Variants in B3GAT2 observed in about 807,000 individuals in gnomAD.
B3GAT2 encodes beta-1,3-glucuronyltransferase 2, also known as galactosylgalactosylxylosylprotein 3-beta-glucuronosyltransferase 2.
In B3GAT2, 26 loss-of-function variants were observed where a neutral mutation model predicts 27.8. The observed-to-expected ratio is 0.93, with a 90% CI of 0.68 to 1.30. The LOEUF is 1.30. Ranked by LOEUF, B3GAT2 falls within the 50% of genes most tolerant of loss-of-function variation. The pLI, the probability that B3GAT2 is intolerant of heterozygous loss-of-function variation, is 0.00. For synonymous variants in B3GAT2, 218 were observed against 195.1 expected (o/e 1.12, Z -0.98); for missense variants, 458 against 459.0 (o/e 1.00, Z 0.02).
At chr6:70,950,071 G>T (rs989681083) in intron 1 of B3GAT2, among the ~76,000 whole-genome samples, 2 of 151,760 alleles carry the variant, frequency 1.3e-5, no homozygotes, top group African/African-American at 2.4e-5. Context: ...GGGGTTGGGG[G>T]GAGGGAGAGC....
At chr6:70,927,036 A>G (rs1203426392) in intron 1 of B3GAT2, among the ~76,000 whole-genome samples, 1 of 152,192 alleles carries the variant, frequency 6.6e-6, no homozygotes, top group Non-Finnish European at 1.5e-5. Flanking sequence ...ATGCTTAAAG[A>G]AAAGAATTTT....
intron 1 of B3GAT2, among the ~76,000 whole-genome samples, chr6:70,952,165 G>A (rs1264320502): frequency 2.0e-5 from 3 of 152,036 alleles, no homozygotes; most frequent in African/African-American, 7.2e-5. Context: ...TAGCTGAATA[G>A]CACCCAACAA....
rs538175806 is a variant in B3GAT2, at chr6:70,914,318, T to G, written c.592-20046A>C. ...CTCTGACAGGCCCCGGTGTGTGATG[T>G]TCCCCTCTCTGTGTCCACGTGTTCC... On this transcript the variant is annotated intron_variant, in intron 1 of 3. Transcript: ENST00000230053. Among the ~76,000 whole-genome samples, 7 of 152,274 alleles carry G rather than the reference T, an allele frequency of 4.6e-5. No homozygotes were observed. In the South Asian group the frequency reaches 1.5e-3, roughly 32 times the overall value.
intron 2 of B3GAT2, among the ~76,000 whole-genome samples, chr6:70,878,767 A>G (rs567217683): frequency 6.6e-6 from 1 of 151,058 alleles, no homozygotes; most frequent in South Asian, 2.1e-4. Context: ...TACTGTGGTT[A>G]CCTTTAAAAT....
chr6:70,866,795 TTAAA>T (rs1357361057), intron 2 of B3GAT2, among the ~76,000 whole-genome samples: 2 of 152,160 alleles, frequency 1.3e-5, no homozygotes, highest in African/African-American at 4.8e-5. Flanking sequence ...TATGTAAGAC[TTAAA>T]TAACATTTTC....
At chr6:70,933,554 T>C (rs1437261221) in intron 1 of B3GAT2, among the ~76,000 whole-genome samples, 1 of 152,246 alleles carries the variant, frequency 6.6e-6, no homozygotes, top group Admixed American at 6.5e-5. Flanking sequence ...CTCTTGCCAG[T>C]GTGAACAGAT....
intron 1 of B3GAT2, among the ~76,000 whole-genome samples, chr6:70,921,355 C>T (rs1409562161): frequency 6.6e-6 from 1 of 152,186 alleles, no homozygotes; most frequent in Admixed American, 6.5e-5. Flanking sequence ...ATTCTTTCCT[C>T]AGCTTGGTCT....
rs1771673277 is a variant in B3GAT2 at position 70,860,544 on chromosome 6, T to C, written c.*1119A>G. On this transcript the variant is annotated 3_prime_UTR_variant, in exon 4 of 4. Coordinates refer to ENST00000230053, the MANE Select transcript of B3GAT2 (RefSeq NM_080742.3). ...AAATCATTTTATGTCAAGGGCAGCT[T>C]TGCTCATATTTCCCATGATTTCATG... 2.1e-6 allele frequency: 1 copy of C among 486,300 alleles called. No homozygotes were observed. The allele number at this position is 486,300 out of a possible 1,614,324, so 30.1% of individuals were successfully genotyped here.
Position 70,884,095 on chromosome 6 carries a change from CAA to C in B3GAT2, c.736+10031_736+10032del, listed in dbSNP as rs70990339. On this transcript the variant is annotated intron_variant, in intron 2 of 3. Transcript: ENST00000230053. ...TGCACTTCGGGATCACCTCAAGACT[CAA>C]AAAAAAAAAAAAAAAACAAAAAAAA... Among the ~76,000 whole-genome samples, 176 of 100,652 alleles carry C rather than the reference CAA, an allele frequency of 1.7e-3. 1 individual carries two copies. Among genetic ancestry groups the C allele is most frequent in the Middle Eastern group, 9.7e-3 (2 of 206 alleles). The allele number at this position is 100,652 out of a possible 152,430, so 66.0% of individuals were successfully genotyped here.
intron 2 of B3GAT2, among the ~76,000 whole-genome samples, chr6:70,880,669 T>G (rs933479428): frequency 6.6e-6 from 1 of 150,908 alleles, no homozygotes; most frequent in East Asian, 1.9e-4. Flanking sequence ...TTTTTTTTTT[T>G]GAAACAGAGT....
intron 2 of B3GAT2, among the ~76,000 whole-genome samples, chr6:70,880,164 A>G (rs1477455896): frequency 6.6e-6 from 1 of 152,046 alleles, no homozygotes; most frequent in African/African-American, 2.4e-5. Context: ...ACCGACTGTG[A>G]AGCTTTCACA....
intron 1 of B3GAT2, among the ~76,000 whole-genome samples, chr6:70,951,901 C>T (rs936539913): frequency 1.3e-5 from 2 of 152,024 alleles, no homozygotes; most frequent in African/African-American, 4.8e-5. Flanking sequence ...CTTCTAGGTT[C>T]CTTCACTTTA....
rs201425180 is a variant in B3GAT2, at chr6:70,894,204, C to T, written c.660G>A (p.Pro220=). ...GLVGGRRYER[P]LVENGKVVGW... is the part of the protein sequence containing the mutation. ...CAACAACTTTGCCGTTTTCCACCAG[C>T]GGACGTTCGTAGCGCCGCCCACCAA... is the stretch of plus-strand genomic sequence containing the variant. The change falls in exon 2 of 4, where the codon CCG becomes CCA. Residue 220 remains proline, a synonymous_variant. Coordinates refer to ENST00000230053, the MANE Select transcript of B3GAT2 (RefSeq NM_080742.3). 19 of 1,613,864 alleles carry T rather than the reference C, an allele frequency of 1.2e-5. No homozygotes were observed. In the Middle Eastern group the frequency reaches 8.3e-4, roughly 70 times the overall value.
intron 2 of B3GAT2, among the ~76,000 whole-genome samples, chr6:70,892,381 A>G (rs1301807193): frequency 6.6e-6 from 1 of 152,244 alleles, no homozygotes; most frequent in Admixed American, 6.5e-5. Context: ...ATCTACATAA[A>G]GTTCCTAGAT....
In B3GAT2 at chr6:70,943,413, C is replaced by G. The variant is rs550508921; in HGVS notation, c.591+12426G>C. 4.6e-5 allele frequency among the ~76,000 whole-genome samples: 7 copies of G among 152,284 alleles called. No homozygotes were observed. In the South Asian group the frequency reaches 1.5e-3, roughly 32 times the overall value. Reference sequence around the variant, plus strand: ...CATCTCAGCCACATTGGCTTCAGCGCAAATTGGCTCAGGCCCCCAGCTCCT... The same window carrying G: ...CATCTCAGCCACATTGGCTTCAGCGGAAATTGGCTCAGGCCCCCAGCTCCT... On this transcript the variant is annotated intron_variant, in intron 1 of 3. Transcript: ENST00000230053.
At position 70,859,177 on chromosome 6, in the gene B3GAT2, A is replaced by G. The variant is rs141790960; in HGVS notation, c.*2486T>C. The stretch of plus-strand genomic sequence containing the variant: ...AATTTTGCTACCACCATTTACAAGA[A>G]TATAGGTAAAACATTGGTCTCTACC... On this transcript the variant is annotated 3_prime_UTR_variant, in exon 4 of 4. Transcript: ENST00000230053. 100 of 544,896 alleles carry G rather than the reference A, an allele frequency of 1.8e-4. No individual in the cohort carries two copies. Among genetic ancestry groups the G allele is most frequent in the African/African-American group, 1.5e-3 (79 of 52,620 alleles). The allele number at this position is 544,896 out of a possible 1,614,324, so 33.8% of individuals were successfully genotyped here. A position where few individuals can be genotyped will look rare whatever the true frequency, so the allele number is the denominator to read the frequency against.
chr6:70,876,879 G>A (rs1246663377), intron 2 of B3GAT2, among the ~76,000 whole-genome samples: 4 of 152,210 alleles, frequency 2.6e-5, no homozygotes, highest in Non-Finnish European at 5.9e-5. Context: ...GGGAGCACAG[G>A]AGTTGGAGAA....
intron 1 of B3GAT2, among the ~76,000 whole-genome samples, chr6:70,905,905 A>ATG (rs1401452697): frequency 2.1e-5 from 3 of 144,750 alleles, no homozygotes; most frequent in Non-Finnish European, 3.1e-5. Context: ...GTGTGTGTGT[A>ATG]TGTGTGTGTG....
At chr6:70,926,148 T>C (rs1387355626) in intron 1 of B3GAT2, among the ~76,000 whole-genome samples, 1 of 151,948 alleles carries the variant, frequency 6.6e-6, no homozygotes, top group African/African-American at 2.4e-5. Context: ...AAAAAGGACA[T>C]CCACACCAAA....
Sources: gnomAD v4.1 joint callset for allele counts (sites outside exome capture counted in the v4.1 genomes callset) on GRCh38, gnomAD v4.1.1 for gene constraint, MANE v1.5 for transcripts, NCBI Gene and HGNC (gene_info 2026-07-23, HGNC 2026-07-21) for gene names.